Variants in NKAIN2 observed in about 807,000 individuals in gnomAD.
NKAIN2 encodes the protein sodium/potassium transporting ATPase interacting 2.
In NKAIN2, 14 loss-of-function variants were observed where a neutral mutation model predicts 32.6. That is an observed-to-expected ratio of 0.43 (90% CI 0.28 to 0.67). The LOEUF (loss-of-function observed/expected upper bound fraction) is 0.67. Ranked by LOEUF, NKAIN2 falls within the 30% of genes least tolerant of loss-of-function variation. The probability of loss-of-function intolerance (pLI) is 0.17; values close to 1 mark genes in which losing one functional copy is unlikely to be tolerated. For missense variants in NKAIN2, 198 were observed against 258.3 expected, an observed-to-expected ratio of 0.77 and a Z score of 1.60; for synonymous variants, 80 against 87.2, an observed-to-expected ratio of 0.92 and a Z score of 0.46.
chr6:124,300,331 A>G (rs900757200), intron 2 of NKAIN2, among the ~76,000 whole-genome samples: 1 of 152,124 alleles, frequency 6.6e-6, no homozygotes, highest in Admixed American at 6.5e-5. Flanking sequence ...GTAACACATG[A>G]CTTGCTCCTC....
chr6:124,061,796 T>C (rs1782928422), intron 1 of NKAIN2, among the ~76,000 whole-genome samples: 2 of 152,152 alleles, frequency 1.3e-5, no homozygotes, highest in African/African-American at 4.8e-5. Flanking sequence ...TCAAAAATAG[T>C]AATCTCCAGA....
intron 1 of NKAIN2, among the ~76,000 whole-genome samples, chr6:124,064,989 C>T (rs1783100334): frequency 6.6e-6 from 1 of 152,020 alleles, no homozygotes; most frequent in South Asian, 2.1e-4. Context: ...GGCCCTGGTA[C>T]TGAGTTAGCT....
At chr6:124,632,418 C>T (rs756928943) in intron 3 of NKAIN2, among the ~76,000 whole-genome samples, 11 of 152,046 alleles carry the variant, frequency 7.2e-5, no homozygotes, top group Admixed American at 2.0e-4. Context: ...TTGCCCAGCA[C>T]CCCCATCCCT....
At chr6:124,059,683 A>G (rs184153296) in intron 1 of NKAIN2, among the ~76,000 whole-genome samples, 1 of 152,118 alleles carries the variant, frequency 6.6e-6, no homozygotes, top group African/African-American at 2.4e-5. Flanking sequence ...GGTTCCATCC[A>G]CTGCTCTTCA....
At chr6:124,269,017 G>T (rs564011461) in intron 1 of NKAIN2, among the ~76,000 whole-genome samples, 1 of 152,152 alleles carries the variant, frequency 6.6e-6, no homozygotes, top group African/African-American at 2.4e-5. Flanking sequence ...TGTAAAATAT[G>T]TGCACAGATA....
At chr6:124,400,818 A>G (rs1230501299) in intron 3 of NKAIN2, among the ~76,000 whole-genome samples, 1 of 152,088 alleles carries the variant, frequency 6.6e-6, no homozygotes, top group Non-Finnish European at 1.5e-5. Context: ...GCATCCCAGA[A>G]CCCTTCCATG....
chr6:123,938,881 G>A (rs1462623891), intron 1 of NKAIN2, among the ~76,000 whole-genome samples: 3 of 151,740 alleles, frequency 2.0e-5, no homozygotes, highest in African/African-American at 7.3e-5. Flanking sequence ...TAGTTCTTAA[G>A]CAACAGTCAT....
chr6:124,307,431 G>C (rs949882529), intron 2 of NKAIN2, among the ~76,000 whole-genome samples: 2 of 152,164 alleles, frequency 1.3e-5, no homozygotes, highest in African/African-American at 4.8e-5. Flanking sequence ...GGAGTGGTAG[G>C]TAGGTGAATG....
At chr6:124,373,627 C>T (rs150481588) in intron 3 of NKAIN2, among the ~76,000 whole-genome samples, 7 of 152,058 alleles carry the variant, frequency 4.6e-5, no homozygotes, top group Admixed American at 2.6e-4. Context: ...AGAAGAGGAT[C>T]CAGAAAAGGA....
chr6:124,457,348 A>G (rs1776362524), intron 3 of NKAIN2, among the ~76,000 whole-genome samples: 1 of 151,976 alleles, frequency 6.6e-6, no homozygotes, highest in African/African-American at 2.4e-5. Context: ...TACATCGGAG[A>G]AATGCTGAAA....
intron 3 of NKAIN2, among the ~76,000 whole-genome samples, chr6:124,452,580 G>T (rs898956906): frequency 8.5e-5 from 13 of 152,136 alleles, no homozygotes; most frequent in African/African-American, 2.9e-4. Context: ...AACATTTGGG[G>T]ACCACTTCAA....
At chr6:124,329,105 T>C (rs12209879) in intron 2 of NKAIN2, among the ~76,000 whole-genome samples, 38,928 of 152,052 alleles carry the variant, frequency 0.26, 5,291 homozygotes, top group East Asian at 0.54. Flanking sequence ...TTCCAATCTT[T>C]ATTCTCCAAA....
intron 3 of NKAIN2, among the ~76,000 whole-genome samples, chr6:124,652,976 A>C (rs1001597113): frequency 2.0e-5 from 3 of 152,200 alleles, no homozygotes; most frequent in Admixed American, 2.0e-4. Context: ...TACAAGATCT[A>C]TATGAGGAAA....
intron 3 of NKAIN2, among the ~76,000 whole-genome samples, chr6:124,452,990 A>G (rs1178716073): frequency 6.6e-6 from 1 of 152,046 alleles, no homozygotes; most frequent in Non-Finnish European, 1.5e-5. Context: ...TAAAGCACAT[A>G]GTTTATCACA....
At chr6:123,997,314 G>A (rs565428293) in intron 1 of NKAIN2, among the ~76,000 whole-genome samples, 1 of 152,276 alleles carries the variant, frequency 6.6e-6, no homozygotes, top group South Asian at 2.1e-4. Flanking sequence ...TATAAAACAT[G>A]TTTTATTTAA....
At chr6:124,484,994 A>G (rs540638027) in intron 3 of NKAIN2, among the ~76,000 whole-genome samples, 1 of 152,106 alleles carries the variant, frequency 6.6e-6, no homozygotes, top group East Asian at 1.9e-4. Context: ...AAAATACATC[A>G]AAAGATATCT....
chr6:124,437,937 T>A, intron 3 of NKAIN2: 1 of 429,990 alleles, frequency 2.3e-6, no homozygotes, highest in South Asian at 1.7e-5. Flanking sequence ...ATTTTCTCAA[T>A]AGTTATTATT....
intron 2 of NKAIN2, among the ~76,000 whole-genome samples, chr6:124,307,460 G>A (rs1796553011): frequency 6.6e-6 from 1 of 152,114 alleles, no homozygotes; most frequent in Non-Finnish European, 1.5e-5. Flanking sequence ...TGCTATTAAT[G>A]GTTGTTTAAC....
chr6:123,854,139 T>C (rs187346020), intron 1 of NKAIN2, among the ~76,000 whole-genome samples: 81 of 152,286 alleles, frequency 5.3e-4, no homozygotes, highest in Non-Finnish European at 5.9e-5. Context: ...AGATGAACCA[T>C]GAGGGAAATT....
Sources: gnomAD v4.1 joint callset for allele counts (sites outside exome capture counted in the v4.1 genomes callset) on GRCh38, gnomAD v4.1.1 for gene constraint, MANE v1.5 for transcripts, NCBI Gene and HGNC (gene_info 2026-07-23, HGNC 2026-07-21) for gene names.